The following ERC2 variants were observed in gnomAD, a reference collection of about 807,000 sequenced individuals.
The protein encoded by ERC2 is ELKS/RAB6-interacting/CAST family member 2, also known as ERC protein 2.
ERC2 carries 42 observed loss-of-function variants against 114.8 expected under a neutral mutation model. That is an observed-to-expected ratio of 0.37 (90% confidence interval 0.29 to 0.47). The LOEUF is 0.47. Among genes scored for constraint, ERC2 ranks in the 20% least tolerant of loss-of-function variants. ERC2 has a pLI of 0.99. For missense variants in ERC2, 939 were observed against 1,150.7 expected, an observed-to-expected ratio of 0.82 and a Z score of 2.66; for synonymous variants, 454 against 425.5, an observed-to-expected ratio of 1.07 and a Z score of -0.82.
intron 8 of ERC2, among the ~76,000 whole-genome samples, chr3:56,011,305 G>A (rs913866363): frequency 6.6e-6 from 1 of 152,146 alleles, no homozygotes; most frequent in East Asian, 1.9e-4. Context: ...ACTGTGATGT[G>A]CTCTCCTCAT....
chr3:55,584,020 G>A (rs1050679863), intron 17 of ERC2, among the ~76,000 whole-genome samples: 15 of 152,262 alleles, frequency 9.9e-5, no homozygotes, highest in African/African-American at 2.6e-4. Flanking sequence ...CACATAAAAC[G>A]GTAATAAGCT....
rs60185894 is a variant in ERC2 at position 55,779,327 on chromosome 3, CAAAAAAAAA to C, written c.2565-44418_2565-44410del. On this transcript the variant is annotated intron_variant, in intron 14 of 17. Transcript: ENST00000288221. ...TGAAACCCCATCTCTACTAAAAATA[CAAAAAAAAA>C]AAAAAAAAAAAAAAAATTAGCTGGG... 8.3e-3 allele frequency among the ~76,000 whole-genome samples: 519 copies of C among 62,468 alleles called. 2 individuals carry two copies. The highest frequency in any genetic ancestry group is 0.022 in the African/African-American group (458 of 20,770). 41.0% of individuals were successfully genotyped at this position (62,468 alleles called of 152,430 possible).
At chr3:56,246,854 C>T (rs2051745294) in intron 3 of ERC2, among the ~76,000 whole-genome samples, 1 of 152,248 alleles carries the variant, frequency 6.6e-6, no homozygotes, top group Middle Eastern at 3.2e-3. Flanking sequence ...ATTCTCGCAT[C>T]TTCGCAGAAG....
At chr3:55,976,090 C>T (rs1185456093) in intron 12 of ERC2, among the ~76,000 whole-genome samples, 1 of 152,208 alleles carries the variant, frequency 6.6e-6, no homozygotes, top group African/African-American at 2.4e-5. Context: ...AAAACACAGC[C>T]TGGCCAAGAT....
intron 17 of ERC2, among the ~76,000 whole-genome samples, chr3:55,544,446 A>T (rs1315411745): frequency 7.9e-5 from 12 of 152,052 alleles, no homozygotes; most frequent in Non-Finnish European, 1.5e-4. Context: ...CTCTGGCTGG[A>T]AAGAGGCCAA....
At chr3:55,833,659 C>T (rs2149194726) in intron 14 of ERC2, among the ~76,000 whole-genome samples, 1 of 152,258 alleles carries the variant, frequency 6.6e-6, no homozygotes, top group African/African-American at 2.4e-5. Flanking sequence ...AAAATCATGC[C>T]AAATTGTAAA....
At chr3:55,628,769 C>T (rs2059624529) in intron 17 of ERC2, among the ~76,000 whole-genome samples, 2 of 152,156 alleles carry the variant, frequency 1.3e-5, no homozygotes. Context: ...TATTTTCTCT[C>T]CTCCCCAAAA....
chr3:55,955,255 TGTGTGTGTGTG>T, intron 12 of ERC2: 1 of 44,882 alleles, frequency 2.2e-5, no homozygotes, highest in Non-Finnish European at 5.6e-5. Flanking sequence ...TGTTTGTGTG[TGTGTGTGTGTG>T]TGTGTGTGTG....
At chr3:56,040,941 C>G (rs954976490) in intron 7 of ERC2, among the ~76,000 whole-genome samples, 1 of 151,820 alleles carries the variant, frequency 6.6e-6, no homozygotes, top group Non-Finnish European at 1.5e-5. Flanking sequence ...GTCATTTCCA[C>G]TCTACCGTTG....
chr3:55,672,410 T>C (rs998910989), intron 17 of ERC2, among the ~76,000 whole-genome samples: 10 of 151,806 alleles, frequency 6.6e-5, no homozygotes, highest in Admixed American at 2.0e-4. Context: ...AGGGAATTAC[T>C]ACTATAGTGG....
At position 56,169,328 on chromosome 3, in the gene ERC2, G is replaced by A. The variant is rs2082496713; in HGVS notation, c.1149+4118C>T. On this transcript the variant is annotated intron_variant, in intron 4 of 17. Coordinates refer to ENST00000288221, the MANE Select transcript of ERC2 (RefSeq NM_015576.3). ...TTTTTCCCAAAGAATATCATTTAATGTTTTAAGCAAATGAACTCTAGAAAA... is the reference window on the plus strand; with the variant it reads ...TTTTTCCCAAAGAATATCATTTAATATTTTAAGCAAATGAACTCTAGAAAA... Among the ~76,000 whole-genome samples, 3 of 152,140 alleles carry A rather than the reference G, an allele frequency of 2.0e-5. No homozygotes were observed. The South Asian group carries it at 6.2e-4, about 31-fold the overall frequency.
intron 13 of ERC2, among the ~76,000 whole-genome samples, chr3:55,921,919 A>G (rs1326691448): frequency 6.6e-6 from 1 of 152,140 alleles, no homozygotes; most frequent in Non-Finnish European, 1.5e-5. Flanking sequence ...GCTTTGTTAA[A>G]TGATATCAGA....
At chr3:56,192,267 C>T (rs913324938) in intron 3 of ERC2, among the ~76,000 whole-genome samples, 1 of 152,146 alleles carries the variant, frequency 6.6e-6, no homozygotes, top group African/African-American at 2.4e-5. Context: ...GTTGACACTC[C>T]CCATTGTTTG....
At chr3:56,287,731 G>T (rs1403690388) in intron 3 of ERC2, among the ~76,000 whole-genome samples, 2 of 152,198 alleles carry the variant, frequency 1.3e-5, no homozygotes, top group Non-Finnish European at 2.9e-5. Flanking sequence ...TAGGAACAAG[G>T]TACTTCAATC....
chr3:56,448,280 C>A (rs989415400), intron 1 of ERC2, among the ~76,000 whole-genome samples: 4 of 152,320 alleles, frequency 2.6e-5, no homozygotes, highest in East Asian at 1.9e-4. Context: ...GGTGCTAACA[C>A]TCTTAGAGCC....
intron 14 of ERC2, among the ~76,000 whole-genome samples, chr3:55,874,950 A>G (rs2149290847): frequency 6.6e-6 from 1 of 152,228 alleles, no homozygotes; most frequent in South Asian, 2.1e-4. Flanking sequence ...GAAGAGGGAG[A>G]AAATCCTCTA....
At chr3:55,862,709 A>G (rs1005888924) in intron 14 of ERC2, among the ~76,000 whole-genome samples, 15 of 152,170 alleles carry the variant, frequency 9.9e-5, no homozygotes, top group African/African-American at 3.4e-4. Context: ...CCTATTTAAG[A>G]AATAATTAGA....
chr3:55,821,307 G>A (rs143225988), intron 14 of ERC2, among the ~76,000 whole-genome samples: 519 of 152,198 alleles, frequency 3.4e-3, no homozygotes, highest in Middle Eastern at 6.8e-3. Flanking sequence ...TCTCTGGCTC[G>A]CCGGCCACTG....
At chr3:56,350,088 C>T (rs1019298689) in intron 2 of ERC2, among the ~76,000 whole-genome samples, 6 of 152,162 alleles carry the variant, frequency 3.9e-5, no homozygotes, top group Admixed American at 2.0e-4. Flanking sequence ...CCCAGAACAA[C>T]GTCCAAATCT....
Sources: allele counts gnomAD v4.1 joint callset (sites outside exome capture counted in the v4.1 genomes callset), GRCh38; gene constraint gnomAD v4.1.1; transcripts MANE v1.5; gene names NCBI Gene and HGNC (gene_info 2026-07-23, HGNC 2026-07-21).